EXOC4: variants seen among roughly 807,000 people sequenced by gnomAD.
EXOC4 encodes the protein exocyst complex component 4.
In EXOC4, 71 loss-of-function variants were observed where a neutral mutation model predicts 107.2. That is an observed-to-expected ratio of 0.66 (90% CI 0.55 to 0.81). EXOC4 has a LOEUF of 0.81. EXOC4 is among the 30% of genes least tolerant of loss of function. The pLI is 0.00. For synonymous variants in EXOC4, 456 were observed against 441.2 expected (o/e 1.03, Z -0.42); for missense variants, 1,108 against 1,189.6 (o/e 0.93, Z 1.01).
intron 10 of EXOC4, among the ~76,000 whole-genome samples, chr7:133,680,847 C>T (rs1262561625): frequency 6.6e-6 from 1 of 152,202 alleles, no homozygotes; most frequent in African/African-American, 2.4e-5. Context: ...TGATCTACTT[C>T]TTCCCTCTCC....
intron 9 of EXOC4, among the ~76,000 whole-genome samples, chr7:133,537,683 T>C (rs1800300111): frequency 6.6e-6 from 1 of 152,166 alleles, no homozygotes; most frequent in African/African-American, 2.4e-5. Context: ...CCATATTGGA[T>C]TTTTTTCCCC....
intron 13 of EXOC4, among the ~76,000 whole-genome samples, chr7:133,929,259 A>G (rs1800122401): frequency 6.6e-6 from 1 of 152,000 alleles, no homozygotes. Context: ...ACAGTTATAT[A>G]TGGTTGTTTC....
At chr7:133,964,267 T>G (rs1801011990) in intron 14 of EXOC4, among the ~76,000 whole-genome samples, 1 of 152,142 alleles carries the variant, frequency 6.6e-6, no homozygotes, top group Admixed American at 6.5e-5. Flanking sequence ...CAATTTTTTA[T>G]ATTGCAAAAC....
chr7:133,759,910 T>C (rs1196764244), intron 10 of EXOC4, among the ~76,000 whole-genome samples: 1 of 152,060 alleles, frequency 6.6e-6, no homozygotes, highest in Non-Finnish European at 1.5e-5. Context: ...GTCTCAGGTA[T>C]GAGAAAAGAA....
intron 10 of EXOC4, among the ~76,000 whole-genome samples, chr7:133,646,057 G>C (rs1802982595): frequency 7.0e-6 from 1 of 142,956 alleles, no homozygotes; most frequent in Non-Finnish European, 1.6e-5. Context: ...TCCCCAAACA[G>C]CATACATATC....
chr7:133,525,051 C>T (rs1274647584), intron 9 of EXOC4, among the ~76,000 whole-genome samples: 1 of 152,150 alleles, frequency 6.6e-6, no homozygotes, highest in Non-Finnish European at 1.5e-5. Context: ...GAGTCTGTGA[C>T]ATCTTGTAAG....
At chr7:133,577,401 T>TAACTATTTCTAAGGA in intron 9 of EXOC4, among the ~76,000 whole-genome samples, 1 of 152,222 alleles carries the variant, frequency 6.6e-6, no homozygotes, top group African/African-American at 2.4e-5. Context: ...TTTCTTCTAA[T>TAACTATTTCTAAGGA]AACTATTTCT....
intron 9 of EXOC4, among the ~76,000 whole-genome samples, chr7:133,503,201 T>C (rs1799606151): frequency 6.6e-6 from 1 of 151,982 alleles, no homozygotes; most frequent in Admixed American, 6.6e-5. Context: ...GTGACTCTGG[T>C]TTCTCTCATA....
rs139819279 is a variant in EXOC4 at position 133,763,391 on chromosome 7, G to A, written c.1515-53934G>A. Among the ~76,000 whole-genome samples the A allele has an allele frequency of 3.7e-3, 569 of 152,220 alleles. 3 individuals are homozygous for A. The highest frequency in any genetic ancestry group is 6.1e-3 in the Non-Finnish European group (412 of 68,004). ...ACTTAGGAAAAAAATGTTCAGTTGTGTTGGTTGGTTTATGGAATGGATTAA... is the reference window on the plus strand; with the variant it reads ...ACTTAGGAAAAAAATGTTCAGTTGTATTGGTTGGTTTATGGAATGGATTAA... On this transcript the variant is annotated intron_variant, in intron 10 of 17. Coordinates refer to ENST00000253861, the MANE Select transcript of EXOC4 (RefSeq NM_021807.4).
chr7:133,456,270 C>T (rs1288261059), intron 7 of EXOC4, among the ~76,000 whole-genome samples: 1 of 152,094 alleles, frequency 6.6e-6, no homozygotes, highest in Non-Finnish European at 1.5e-5. Flanking sequence ...AGAGAGGTCA[C>T]CATGTGGCTG....
chr7:133,570,868 C>G (rs1467908745), intron 9 of EXOC4, among the ~76,000 whole-genome samples: 1 of 152,132 alleles, frequency 6.6e-6, no homozygotes, highest in Non-Finnish European at 1.5e-5. Context: ...TAAAATTGTC[C>G]AGCATGAGCC....
intron 9 of EXOC4, among the ~76,000 whole-genome samples, chr7:133,581,508 C>G (rs1801268956): frequency 6.6e-6 from 1 of 151,898 alleles, no homozygotes; most frequent in South Asian, 2.1e-4. Context: ...CCTGTAATCC[C>G]AGCACTTTGG....
chr7:133,658,599 A>G (rs1194730201), intron 10 of EXOC4, among the ~76,000 whole-genome samples: 1 of 152,122 alleles, frequency 6.6e-6, no homozygotes, highest in South Asian at 2.1e-4. Context: ...CTTTGGGGTA[A>G]CGCTGCAGTT....
At chr7:133,562,571 T>C (rs1800829948) in intron 9 of EXOC4, among the ~76,000 whole-genome samples, 1 of 152,226 alleles carries the variant, frequency 6.6e-6, no homozygotes, top group African/African-American at 2.4e-5. Flanking sequence ...TAGCTTTACT[T>C]TAACTAGAGC....
At chr7:133,341,646 T>G (rs1694705068) in intron 5 of EXOC4, among the ~76,000 whole-genome samples, 1 of 152,190 alleles carries the variant, frequency 6.6e-6, no homozygotes, top group African/African-American at 2.4e-5. Flanking sequence ...AGTCCACCAC[T>G]CTTATCGTGT....
At chr7:133,574,539 C>T (rs188609983) in intron 9 of EXOC4, among the ~76,000 whole-genome samples, 17 of 152,242 alleles carry the variant, frequency 1.1e-4, no homozygotes, top group African/African-American at 2.4e-4. Flanking sequence ...TTCAGGTCAG[C>T]GTACTTTGTG....
At chr7:133,400,229 G>T (rs955365848) in intron 7 of EXOC4, among the ~76,000 whole-genome samples, 2 of 152,196 alleles carry the variant, frequency 1.3e-5, no homozygotes, top group Non-Finnish European at 2.9e-5. Context: ...AGCTACTAAA[G>T]ACCTGGTTCT....
intron 9 of EXOC4, among the ~76,000 whole-genome samples, chr7:133,549,550 C>T (rs749988499): frequency 5.9e-5 from 9 of 151,952 alleles, no homozygotes; most frequent in Non-Finnish European, 1.2e-4. Context: ...CATCAAAGAT[C>T]ACCAGGATAG....
chr7:133,313,868 A>G (rs563059019), intron 4 of EXOC4, among the ~76,000 whole-genome samples: 2 of 152,216 alleles, frequency 1.3e-5, no homozygotes, highest in Non-Finnish European at 2.9e-5. Flanking sequence ...GCATTCAGTC[A>G]CAATATATAA....
Sources: allele counts gnomAD v4.1 joint callset (sites outside exome capture counted in the v4.1 genomes callset), GRCh38; gene constraint gnomAD v4.1.1; transcripts MANE v1.5; gene names NCBI Gene and HGNC (gene_info 2026-07-23, HGNC 2026-07-21).